Variants in NKAIN2 observed in about 807,000 individuals in gnomAD.
The protein encoded by NKAIN2 is sodium/potassium-transporting ATPase subunit beta-1-interacting protein 2.
Under a neutral mutation model 32.6 loss-of-function variants are expected in NKAIN2, and 14 were observed. That is an observed-to-expected ratio of 0.43 (90% CI 0.28 to 0.67). The LOEUF is 0.67. Ranked by LOEUF, NKAIN2 falls within the 30% of genes least tolerant of loss-of-function variation. The pLI, the probability that NKAIN2 is intolerant of heterozygous loss-of-function variation, is 0.17. For missense variants in NKAIN2, 198 were observed against 258.3 expected, an observed-to-expected ratio of 0.77 and a Z score of 1.60; for synonymous variants, 80 against 87.2, an observed-to-expected ratio of 0.92 and a Z score of 0.46.
intron 1 of NKAIN2, among the ~76,000 whole-genome samples, chr6:123,948,462 T>G (rs1777171667): frequency 1.3e-5 from 2 of 151,966 alleles, no homozygotes; most frequent in Admixed American, 1.3e-4. Flanking sequence ...TAATTTTAAC[T>G]AGAGTAAGAT....
intron 1 of NKAIN2, among the ~76,000 whole-genome samples, chr6:123,904,908 C>T (rs1441117158): frequency 2.6e-5 from 4 of 152,244 alleles, no homozygotes; most frequent in Middle Eastern, 6.8e-3. Context: ...AATCTTCATC[C>T]TCTGGGCTCA....
At chr6:124,337,142 T>C (rs1394355174) in intron 2 of NKAIN2, among the ~76,000 whole-genome samples, 2 of 152,228 alleles carry the variant, frequency 1.3e-5, no homozygotes, top group African/African-American at 2.4e-5. Flanking sequence ...TCATTTATGA[T>C]GTACCATCAA....
chr6:124,271,926 T>A (rs1322958052), intron 1 of NKAIN2, among the ~76,000 whole-genome samples: 4 of 152,108 alleles, frequency 2.6e-5, no homozygotes, highest in African/African-American at 9.7e-5. Flanking sequence ...GAGAGATGAT[T>A]TAGGGTATCT....
At chr6:124,502,349 A>C (rs1778324365) in intron 3 of NKAIN2, among the ~76,000 whole-genome samples, 2 of 152,192 alleles carry the variant, frequency 1.3e-5, no homozygotes, top group South Asian at 4.1e-4. Context: ...TTAAAAAATA[A>C]GTAATGTATT....
At chr6:124,393,237 A>T (rs148047882) in intron 3 of NKAIN2, among the ~76,000 whole-genome samples, 1 of 152,186 alleles carries the variant, frequency 6.6e-6, no homozygotes. Context: ...ACTTTTAACT[A>T]TAAAATACTA....
chr6:123,830,618 C>T (rs953273687), intron 1 of NKAIN2, among the ~76,000 whole-genome samples: 3 of 152,220 alleles, frequency 2.0e-5, no homozygotes, highest in African/African-American at 7.2e-5. Context: ...CCCCCCTAGT[C>T]AGGTCAACTT....
chr6:123,872,936 C>T (rs746465810), intron 1 of NKAIN2, among the ~76,000 whole-genome samples: 1 of 152,096 alleles, frequency 6.6e-6, no homozygotes, highest in East Asian at 1.9e-4. Context: ...GTATCACACA[C>T]GTTTTAAGAA....
chr6:124,759,282 T>C (rs1778109083), intron 4 of NKAIN2, among the ~76,000 whole-genome samples: 1 of 152,150 alleles, frequency 6.6e-6, no homozygotes, highest in African/African-American at 2.4e-5. Context: ...TACAATAGGG[T>C]TGCATAGGTA....
At chr6:123,938,396 TTATATATATATATATATATA>T (rs71021471) in intron 1 of NKAIN2, among the ~76,000 whole-genome samples, 1,463 of 53,840 alleles carry the variant, frequency 0.027, 35 homozygotes, top group Admixed American at 0.11. Context: ...TTTGCAAGGG[TTATATATATATATATATATA>T]TATATATATA....
chr6:124,177,741 T>C (rs1343078424), intron 1 of NKAIN2, among the ~76,000 whole-genome samples: 4 of 151,814 alleles, frequency 2.6e-5, no homozygotes, highest in African/African-American at 9.7e-5. Context: ...AAAGCCTTTA[T>C]AAAAGAGGCG....
intron 3 of NKAIN2, among the ~76,000 whole-genome samples, chr6:124,531,014 T>G (rs1030203147): frequency 1.3e-5 from 2 of 152,200 alleles, no homozygotes; most frequent in Non-Finnish European, 2.9e-5. Flanking sequence ...AATACCCCCA[T>G]AGACATATCC....
At chr6:124,630,381 G>A (rs537926022) in intron 3 of NKAIN2, among the ~76,000 whole-genome samples, 18 of 152,196 alleles carry the variant, frequency 1.2e-4, no homozygotes, top group East Asian at 9.7e-4. Flanking sequence ...CAAATTCATC[G>A]TATTAAAGGT....
chr6:124,351,292 A>G (rs1366291066), intron 2 of NKAIN2, among the ~76,000 whole-genome samples: 2 of 152,072 alleles, frequency 1.3e-5, no homozygotes, highest in Non-Finnish European at 2.9e-5. Context: ...AGGCAGGCAG[A>G]TAGCTTGAGC....
intron 3 of NKAIN2, among the ~76,000 whole-genome samples, chr6:124,545,602 T>G (rs985418662): frequency 6.6e-6 from 1 of 151,718 alleles, no homozygotes; most frequent in African/African-American, 2.4e-5. Flanking sequence ...TTTCCAAGTT[T>G]AAAATAAATA....
intron 1 of NKAIN2, among the ~76,000 whole-genome samples, chr6:123,902,871 T>C (rs1245188535): frequency 1.3e-5 from 2 of 152,152 alleles, no homozygotes; most frequent in Non-Finnish European, 2.9e-5. Context: ...GATAGTAGAG[T>C]GAATAATATG....
intron 1 of NKAIN2, among the ~76,000 whole-genome samples, chr6:123,865,295 AGTT>A (rs1455515266): frequency 2.0e-5 from 3 of 152,156 alleles, no homozygotes; most frequent in Middle Eastern, 3.6e-3. Context: ...GTTTTTGGAC[AGTT>A]GTTCAATATT....
chr6:124,762,759 T>C (rs184324932), intron 4 of NKAIN2, among the ~76,000 whole-genome samples: 145 of 152,264 alleles, frequency 9.5e-4, no homozygotes, highest in Middle Eastern at 3.4e-3. Flanking sequence ...AACAAAGGAC[T>C]CATTAAAGAA....
At chr6:124,822,749 T>C (rs1010983358) in intron 6 of NKAIN2, among the ~76,000 whole-genome samples, 7 of 152,042 alleles carry the variant, frequency 4.6e-5, no homozygotes, top group African/African-American at 1.7e-4. Flanking sequence ...ATCCCATGTC[T>C]GCGTGCTCCA....
At chr6:123,878,590 G>A (rs1018563693) in intron 1 of NKAIN2, among the ~76,000 whole-genome samples, 1 of 151,890 alleles carries the variant, frequency 6.6e-6, no homozygotes, top group African/African-American at 2.4e-5. Flanking sequence ...ACTCCATGTT[G>A]TGTTCAGAAT....
Sources: gnomAD v4.1 joint callset for allele counts (sites outside exome capture counted in the v4.1 genomes callset) on GRCh38, gnomAD v4.1.1 for gene constraint, MANE v1.5 for transcripts, NCBI Gene and HGNC (gene_info 2026-07-23, HGNC 2026-07-21) for gene names.